The following ANKRD62 variants were observed in gnomAD, a reference collection of about 807,000 sequenced individuals.
ANKRD62 encodes the protein ankyrin repeat domain-containing protein 62.
In ANKRD62, 61 loss-of-function variants were observed where a neutral mutation model predicts 98.8. The observed-to-expected ratio is 0.62, with a 90% confidence interval of 0.50 to 0.76. The LOEUF is 0.76. ANKRD62 is among the 30% of genes least tolerant of loss of function. The pLI is 0.00. For synonymous variants in ANKRD62, 341 were observed against 367.9 expected, an observed-to-expected ratio of 0.93 and a Z score of 0.84; for missense variants, 933 against 1,082.9, an observed-to-expected ratio of 0.86 and a Z score of 1.94.
the ANKRD62 span, among the ~76,000 whole-genome samples, chr18:12,140,291 A>G: frequency 5.0e-3 from 754 of 152,146 alleles, 2 homozygotes; most frequent in Non-Finnish European, 8.6e-3. Flanking sequence ...CATTGGTTCA[A>G]ACTTCCTCCT....
chr18:12,154,188 T>C, the ANKRD62 span, among the ~76,000 whole-genome samples: 10 of 152,180 alleles, frequency 6.6e-5, no homozygotes, highest in African/African-American at 2.4e-4. Context: ...AGAAAATATT[T>C]GCAAACTATG....
chr18:12,137,023 A>G, the ANKRD62 span, among the ~76,000 whole-genome samples: 1 of 152,104 alleles, frequency 6.6e-6, no homozygotes. Context: ...CTCTTTCCTA[A>G]TTGAATGCCC....
At chr18:12,173,698 C>G in the ANKRD62 span, among the ~76,000 whole-genome samples, 2 of 152,212 alleles carry the variant, frequency 1.3e-5, no homozygotes, top group Non-Finnish European at 2.9e-5. Flanking sequence ...GACAAATTCT[C>G]ACAGCATTTG....
chr18:12,096,930 C>T (rs9949350), intron 4 of ANKRD62, among the ~76,000 whole-genome samples: 90,368 of 151,868 alleles, frequency 0.6, 27,428 homozygotes, highest in Middle Eastern at 0.76. Context: ...AAAAAGCTAG[C>T]TTCAACTGGG....
chr18:12,140,733 C>T, the ANKRD62 span, among the ~76,000 whole-genome samples: 1 of 152,162 alleles, frequency 6.6e-6, no homozygotes, highest in Non-Finnish European at 1.5e-5. Context: ...AGTACCCGGC[C>T]GTGTGAGGTG....
the ANKRD62 span, among the ~76,000 whole-genome samples, chr18:12,171,695 G>A: frequency 5.9e-5 from 9 of 152,276 alleles, no homozygotes; most frequent in South Asian, 1.9e-3. Context: ...TATCTTGCTA[G>A]GTTGGGGAAG....
intron 8 of ANKRD62, among the ~76,000 whole-genome samples, chr18:12,110,755 C>G (rs944823933): frequency 6.6e-6 from 1 of 152,112 alleles, no homozygotes; most frequent in Admixed American, 6.6e-5. Flanking sequence ...TTTTATTTAA[C>G]CTACCAGCAA....
At chr18:12,151,635 T>G in the ANKRD62 span, among the ~76,000 whole-genome samples, 1 of 152,078 alleles carries the variant, frequency 6.6e-6, no homozygotes, top group South Asian at 2.1e-4. Context: ...ATTAACGACC[T>G]AACATCACAA....
the ANKRD62 span, among the ~76,000 whole-genome samples, chr18:12,162,799 C>T: frequency 0.012 from 1,852 of 152,170 alleles, 28 homozygotes; most frequent in South Asian, 0.038. Context: ...ATGTTCTTAG[C>T]ACCTTTGTTG....
intron 8 of ANKRD62, among the ~76,000 whole-genome samples, chr18:12,114,431 C>T (rs1005721755): frequency 9.2e-5 from 14 of 152,086 alleles, no homozygotes; most frequent in Admixed American, 6.5e-5. Context: ...TAGCATATTG[C>T]GAAACGCATG....
At chr18:12,159,978 A>G in the ANKRD62 span, among the ~76,000 whole-genome samples, 1 of 152,206 alleles carries the variant, frequency 6.6e-6, no homozygotes, top group Non-Finnish European at 1.5e-5. Context: ...TACTATAGGT[A>G]CAATATTTAT....
chr18:12,170,492 A>G, the ANKRD62 span, among the ~76,000 whole-genome samples: 1 of 152,292 alleles, frequency 6.6e-6, no homozygotes, highest in East Asian at 1.9e-4. Context: ...GTGGTCTGAG[A>G]GACAGTTTGT....
chr18:12,133,636 C>G (rs1910038194), downstream of ANKRD62, among the ~76,000 whole-genome samples: 1 of 151,770 alleles, frequency 6.6e-6, no homozygotes, highest in African/African-American at 2.4e-5. Flanking sequence ...TGATGTTGAC[C>G]ATCCTTTCAT....
chr18:12,163,812 A>C, the ANKRD62 span, among the ~76,000 whole-genome samples: 1 of 152,108 alleles, frequency 6.6e-6, no homozygotes, highest in Non-Finnish European at 1.5e-5. Flanking sequence ...ATGATGTATC[A>C]CACTGATTGA....
chr18:12,138,236 G>A, the ANKRD62 span, among the ~76,000 whole-genome samples: 1 of 152,200 alleles, frequency 6.6e-6, no homozygotes, highest in East Asian at 1.9e-4. Context: ...AGAGATTCTG[G>A]TATGTTGTGT....
At chr18:12,167,531 A>G in the ANKRD62 span, among the ~76,000 whole-genome samples, 11 of 152,324 alleles carry the variant, frequency 7.2e-5, no homozygotes, top group African/African-American at 1.9e-4. Context: ...AATCCAGTCT[A>G]TCATTGATGG....
At chr18:12,169,375 A>G in the ANKRD62 span, among the ~76,000 whole-genome samples, 24 of 152,296 alleles carry the variant, frequency 1.6e-4, no homozygotes, top group African/African-American at 5.8e-4. Flanking sequence ...CCTTTTCTGC[A>G]TCTATTGAGA....
the ANKRD62 span, among the ~76,000 whole-genome samples, chr18:12,171,623 T>A: frequency 5.3e-5 from 8 of 152,148 alleles, no homozygotes; most frequent in African/African-American, 1.9e-4. Context: ...TGTCTTGGGG[T>A]TGCTCTTCTC....
intron 11 of ANKRD62, among the ~76,000 whole-genome samples, chr18:12,123,787 CT>C (rs1568065569): frequency 6.6e-6 from 1 of 152,108 alleles, no homozygotes; most frequent in Admixed American, 6.5e-5. Flanking sequence ...TAAAAAATAA[CT>C]TTTTTTAAAA....
Sources: allele counts gnomAD v4.1 joint callset (sites outside exome capture counted in the v4.1 genomes callset), GRCh38; gene constraint gnomAD v4.1.1; transcripts MANE v1.5; gene names NCBI Gene and HGNC (gene_info 2026-07-23, HGNC 2026-07-21).